Variants in CASR observed in about 807,000 individuals in gnomAD.
The protein encoded by CASR is extracellular calcium-sensing receptor.
In CASR, 23 loss-of-function variants were observed where a neutral mutation model predicts 69.1. That is an observed-to-expected ratio of 0.33 (90% CI 0.24 to 0.47). The LOEUF (loss-of-function observed/expected upper bound fraction) is 0.47, where lower values mean the gene tolerates loss of function less well. CASR is among the 20% of genes least tolerant of loss of function. The probability of loss-of-function intolerance (pLI) is 1.00; values close to 1 mark genes in which losing one functional copy is unlikely to be tolerated. For missense variants in CASR, 924 were observed against 1,356.1 expected (o/e 0.68, Z 5.00); for synonymous variants, 541 against 544.7 (o/e 0.99, Z 0.10).
In CASR at chr3:122,285,071, C is replaced by A; in HGVS notation, c.3117C>A (p.Asp1039Glu). 6.2e-7 allele frequency: 1 copy of A among 1,614,194 alleles called. No individual in the cohort carries two copies. Among genetic ancestry groups the A allele is most frequent in the Non-Finnish European group, 8.5e-7 (1 of 1,180,034 alleles). The stretch of plus-strand genomic sequence containing the variant: ...GTCTGCAAGGACCTGTGGGTGGAGA[C>A]CAGCGGCCAGAGGTGGAGGACCCTG... ...ETGLQGPVGG[D>E]QRPEVEDPEE... The change falls in exon 7 of 7, where the codon GAC (aspartate) becomes GAA (glutamate). Residue 1039 changes from aspartate to glutamate, a missense_variant. By Grantham distance (45) the Asp-to-Glu change is conservative. Transcript: ENST00000639785.
chr3:122,252,480 G>A (rs538741418), intron 1 of CASR, among the ~76,000 whole-genome samples: 20 of 107,614 alleles, frequency 1.9e-4, no homozygotes, highest in African/African-American at 5.9e-4. Flanking sequence ...AAAGAAGGGA[G>A]GGAGGGAAGG....
chr3:122,221,790 C>T lies in CASR; in HGVS notation c.-242-32158C>T, dbSNP rs576492784. ...CAAGTTGCTTCACCTCTCTGAGTCT[C>T]ACAAAGTTCATCTTGTGAGTAGCGA... On this transcript the variant is annotated intron_variant, in intron 1 of 6. Coordinates refer to ENST00000639785, the MANE Select transcript of CASR (RefSeq NM_000388.4). 3.9e-5 allele frequency among the ~76,000 whole-genome samples: 6 copies of T among 152,358 alleles called. No homozygotes were observed. The South Asian group carries it at 1.2e-3, about 32-fold the overall frequency.
At chr3:122,200,829 A>G (rs745676557) in intron 1 of CASR, among the ~76,000 whole-genome samples, 7 of 152,178 alleles carry the variant, frequency 4.6e-5, no homozygotes, top group South Asian at 2.1e-4. Context: ...CTTGTTCATT[A>G]GTGTAAGAGA....
intron 1 of CASR, among the ~76,000 whole-genome samples, chr3:122,191,385 C>T (rs1425885930): frequency 6.6e-6 from 1 of 152,158 alleles, no homozygotes; most frequent in Non-Finnish European, 1.5e-5. Context: ...GATCTTGGCT[C>T]ACTGCAACTT....
In CASR at chr3:122,284,601, G is replaced by GTGGC; in HGVS notation, c.2650_2653dup (p.Ala885GlyfsTer97). 1 of 1,614,144 alleles carries GTGGC rather than the reference G, an allele frequency of 6.2e-7. No individual in the cohort carries two copies. The highest frequency in any genetic ancestry group is 8.5e-7 in the Non-Finnish European group (1 of 1,180,020). On this transcript the variant is annotated frameshift_variant, in exon 7 of 7. Transcript: ENST00000639785. LOFTEE classifies it high-confidence loss of function. ...CAGCACCGCAGCTCACGCTTTCAAG[G>GTGGC]TGGCTGCCCGGGCCACGCTGCGCCG...
At chr3:122,186,122 A>T (rs1415774577) in intron 1 of CASR, among the ~76,000 whole-genome samples, 1 of 151,956 alleles carries the variant, frequency 6.6e-6, no homozygotes, top group African/African-American at 2.4e-5. Flanking sequence ...TTAGTTAAAA[A>T]TTTTCTTTTT....
Position 122,284,910 on chromosome 3 carries a change from G to T in CASR, c.2956G>T (p.Ala986Ser), listed in dbSNP as rs1801725. 0.13 allele frequency: 212,692 copies of T among 1,614,034 alleles called. 15,629 individuals carry two copies. Among genetic ancestry groups the T allele is most frequent in the Middle Eastern group, 0.27 (1,629 of 6,062 alleles). Residue 986 changes from alanine (A) to serine (S), a missense_variant, in exon 7 of 7, where the codon GCC becomes TCC. This residue lies in a region of CASR where 201 missense variants were observed against 228.8 expected (regional missense o/e 0.88). Transcript: ENST00000639785. ...GAGCTTTGATGAGCCTCAGAAGAAC[G>T]CCATGGCCCACAGGAATTCTACGCA... Reference protein sequence around the residue: ...SLSFDEPQKNAMAHRNSTHQN... With the variant: ...SLSFDEPQKNSMAHRNSTHQN...
In CASR at chr3:122,217,684, C is replaced by T. The variant is rs540990754; in HGVS notation, c.-243+33872C>T. Among the ~76,000 whole-genome samples, 89 of 152,168 alleles carry T rather than the reference C, an allele frequency of 5.8e-4. 1 individual carries two copies. The highest frequency in any genetic ancestry group is 2.0e-3 in the African/African-American group (81 of 41,514). On this transcript the variant is annotated intron_variant, in intron 1 of 6. Transcript: ENST00000639785. ...ATCTGGAAGGTTTCTCAGAAGTTCT[C>T]ATGCTGCACAAAAAGGGAAGAAGGA... is the stretch of plus-strand genomic sequence containing the variant.
chr3:122,211,046 T>A (rs1351299307), intron 1 of CASR, among the ~76,000 whole-genome samples: 2 of 152,190 alleles, frequency 1.3e-5, no homozygotes, highest in Non-Finnish European at 2.9e-5. Context: ...TGCAGAAAGT[T>A]GAAACTGGAT....
At chr3:122,268,588 T>C (rs982760713) in intron 4 of CASR, among the ~76,000 whole-genome samples, 19 of 152,342 alleles carry the variant, frequency 1.2e-4, no homozygotes, top group Non-Finnish European at 2.4e-4. Flanking sequence ...GTGCAAATAA[T>C]TGAGAGTGCA....
At chr3:122,221,947 A>T (rs916377438) in intron 1 of CASR, among the ~76,000 whole-genome samples, 1 of 152,146 alleles carries the variant, frequency 6.6e-6, no homozygotes, top group African/African-American at 2.4e-5. Context: ...TTTTATATCC[A>T]TTAAGCTAGC....
intron 1 of CASR, among the ~76,000 whole-genome samples, chr3:122,221,260 A>T (rs2107602051): frequency 6.6e-6 from 1 of 152,286 alleles, no homozygotes; most frequent in South Asian, 2.1e-4. Context: ...CTACTTTAAG[A>T]TTACCATTCA....
chr3:122,207,226 A>T (rs1336276513), intron 1 of CASR, among the ~76,000 whole-genome samples: 1 of 152,066 alleles, frequency 6.6e-6, no homozygotes, highest in Non-Finnish European at 1.5e-5. Context: ...TACAACAAGT[A>T]GAGGACTTTA....
chr3:122,227,575 G>A (rs191205049), intron 1 of CASR, among the ~76,000 whole-genome samples: 23 of 152,280 alleles, frequency 1.5e-4, no homozygotes, highest in Admixed American at 5.2e-4. Context: ...ACCTCCCTGC[G>A]AGCTGAGCGA....
chr3:122,254,522 C>A, intron 2 of CASR, 148 bp downstream of exon 2: 2 of 765,194 alleles, frequency 2.6e-6, no homozygotes, highest in South Asian at 3.3e-5. Context: ...TTATTGCCCC[C>A]ACAACCTGCC....
At chr3:122,215,824 C>A (rs1365602498) in intron 1 of CASR, among the ~76,000 whole-genome samples, 1 of 152,128 alleles carries the variant, frequency 6.6e-6, no homozygotes, top group African/African-American at 2.4e-5. Context: ...ATGAGAGGCA[C>A]CCATGTCAGA....
intron 1 of CASR, among the ~76,000 whole-genome samples, chr3:122,212,894 G>A (rs544914815): frequency 2.6e-5 from 4 of 152,064 alleles, no homozygotes; most frequent in East Asian, 3.9e-4. Context: ...CGCTTGCCTC[G>A]GCCTCCCAAA....
intron 4 of CASR, among the ~76,000 whole-genome samples, chr3:122,269,842 A>T (rs1559962764): frequency 6.6e-6 from 1 of 151,096 alleles, no homozygotes; most frequent in Admixed American, 6.6e-5. Context: ...TCTTTGTGGG[A>T]TTGTTTTGTT....
At chr3:122,279,272 A>C (rs563782296) in intron 5 of CASR, among the ~76,000 whole-genome samples, 2 of 152,316 alleles carry the variant, frequency 1.3e-5, no homozygotes, top group African/African-American at 4.8e-5. Context: ...AGAGAAATAC[A>C]GTTCAGTCTT....
Sources: allele counts gnomAD v4.1 joint callset (sites outside exome capture counted in the v4.1 genomes callset), GRCh38; gene constraint gnomAD v4.1.1; regional missense constraint gnomAD v4.1.1; transcripts MANE v1.5; gene names NCBI Gene and HGNC (gene_info 2026-07-23, HGNC 2026-07-21).